SLC9C2: variants seen among roughly 807,000 people sequenced by gnomAD.
SLC9C2 encodes solute carrier family 9 member C2 (putative).
In SLC9C2, 75 loss-of-function variants were observed where a neutral mutation model predicts 140.2. That is an observed-to-expected ratio of 0.53 (90% confidence interval 0.44 to 0.65). SLC9C2 has a LOEUF of 0.65. Among genes scored for constraint, SLC9C2 ranks in the 30% least tolerant of loss-of-function variants. The pLI is 0.00. For missense variants in SLC9C2, 1,074 were observed against 1,331.8 expected (o/e 0.81, Z 3.01); for synonymous variants, 375 against 420.9 (o/e 0.89, Z 1.34).
chr1:173,552,019 G>A (rs993116562), intron 11 of SLC9C2, among the ~76,000 whole-genome samples: 2 of 152,160 alleles, frequency 1.3e-5, no homozygotes, highest in African/African-American at 2.4e-5. Context: ...ACACACCAAT[G>A]GTAAGAAGGC....
intron 5 of SLC9C2, among the ~76,000 whole-genome samples, chr1:173,587,424 T>C (rs1665913427): frequency 6.6e-6 from 1 of 152,054 alleles, no homozygotes; most frequent in African/African-American, 2.4e-5. Flanking sequence ...ACTTTTTCTT[T>C]GAAAAAAAAT....
At chr1:173,514,572 C>G (rs919800741) in intron 23 of SLC9C2, among the ~76,000 whole-genome samples, 8 of 152,050 alleles carry the variant, frequency 5.3e-5, no homozygotes, top group Non-Finnish European at 1.2e-4. Flanking sequence ...TGTAGCACAC[C>G]AGTGAGTCCT....
At chr1:173,600,715 A>C (rs1308802021) in intron 2 of SLC9C2, among the ~76,000 whole-genome samples, 1 of 152,200 alleles carries the variant, frequency 6.6e-6, no homozygotes, top group Non-Finnish European at 1.5e-5. Flanking sequence ...CTCTTTCTGC[A>C]ATGCTCTTTA....
chr1:173,521,375 CA>C lies in SLC9C2; in HGVS notation c.2664del (p.Phe888LeufsTer19). 3 of 1,485,036 alleles carry C rather than the reference CA, an allele frequency of 2.0e-6. No individual in the cohort carries two copies. Among genetic ancestry groups the C allele is most frequent in the Admixed American group, 2.4e-5 (1 of 42,360 alleles). The allele number at this position is 1,485,036 out of a possible 1,614,324, so 92.0% of individuals were successfully genotyped here. A position where few individuals can be genotyped will look rare whatever the true frequency, so the allele number is the denominator to read the frequency against. On this transcript the variant is annotated frameshift_variant, in exon 22 of 28. Transcript: ENST00000367714. LOFTEE classifies it high-confidence loss of function. The part of the protein sequence containing the change: ...FFKERAKLAC[F>X]DSGDTICKGG... ...CCTTTACAAATGGTATCTCCAGAGT[CA>C]AAACAGGCAAGTTTGGCTCTTTCCT...
chr1:173,583,091 C>T (rs1210575851), intron 6 of SLC9C2, among the ~76,000 whole-genome samples: 1 of 152,120 alleles, frequency 6.6e-6, no homozygotes, highest in African/African-American at 2.4e-5. Context: ...TTCCAGGAAC[C>T]CCTTTGGATA....
At chr1:173,536,051 AC>A in intron 14 of SLC9C2, 102 bp from the exon 15 acceptor site, 2 of 1,040,796 alleles carry the variant, frequency 1.9e-6, no homozygotes, top group Non-Finnish European at 2.7e-6. Flanking sequence ...TTTAATATGG[AC>A]CCACCAAATA....
rs143296396 is a variant in SLC9C2 at position 173,550,872 on chromosome 1, A to AAGAGAGAGAGAGAGAG, written c.1298-2336_1298-2321dup. On this transcript the variant is annotated intron_variant, in intron 11 of 27. Transcript: ENST00000367714. ...CCTGGGCAAGATAGTGAGCCGTTGA[A>AAGAGAGAGAGAGAGAG]AGAGAGAGAGAGAGAGAGAGAGAGA... Among the ~76,000 whole-genome samples the AAGAGAGAGAGAGAGAG allele has an allele frequency of 6.9e-3, 599 of 86,458 alleles. 42 individuals carry two copies. The highest frequency in any genetic ancestry group is 0.022 in the African/African-American group (333 of 15,288). 56.7% of individuals were successfully genotyped at this position (86,458 alleles called of 152,430 possible).
chr1:173,537,051 T>A lies in SLC9C2; in HGVS notation c.1558-12A>T. 6.3e-7 allele frequency: 1 copy of A among 1,594,126 alleles called. No homozygotes were observed. The highest frequency in any genetic ancestry group is 8.6e-7 in the Non-Finnish European group (1 of 1,162,420). On this transcript the variant is annotated splice_polypyrimidine_tract_variant and intron_variant, in intron 13 of 27. Coordinates refer to ENST00000367714, the MANE Select transcript of SLC9C2 (RefSeq NM_178527.4). ...TTTTCAAAGCTACTCTAAACATACA[T>A]TAAATGAAGATTACAAAAGATCAAA... is the stretch of plus-strand genomic sequence containing the variant.
intron 4 of SLC9C2, among the ~76,000 whole-genome samples, chr1:173,590,888 T>C (rs1413249728): frequency 1.3e-5 from 2 of 152,350 alleles, no homozygotes; most frequent in African/African-American, 4.8e-5. Flanking sequence ...TTTCATTTAA[T>C]ATTTTCTTTT....
chr1:173,576,535 C>A, intron 8 of SLC9C2, 126 bp downstream of exon 8: 2 of 572,624 alleles, frequency 3.5e-6, no homozygotes, highest in Non-Finnish European at 6.0e-6. Flanking sequence ...TAACTGATAG[C>A]AAAAATAAAA....
intron 13 of SLC9C2, among the ~76,000 whole-genome samples, chr1:173,540,951 A>C (rs1386720766): frequency 6.6e-6 from 1 of 152,212 alleles, no homozygotes; most frequent in African/African-American, 2.4e-5. Context: ...CATCAACTAA[A>C]GGGCAAATTA....
intron 11 of SLC9C2, among the ~76,000 whole-genome samples, chr1:173,549,226 G>A (rs764335623): frequency 3.3e-5 from 5 of 152,140 alleles, no homozygotes; most frequent in Non-Finnish European, 7.4e-5. Context: ...CTCTTCAAGG[G>A]TTAAATGGCT....
At chr1:173,504,261 G>A (rs1659475136) in intron 26 of SLC9C2, among the ~76,000 whole-genome samples, 1 of 152,166 alleles carries the variant, frequency 6.6e-6, no homozygotes, top group Non-Finnish European at 1.5e-5. Flanking sequence ...GGTTCAAATT[G>A]CTGCCAAGGG....
chr1:173,519,096 T>C (rs1443066107), intron 22 of SLC9C2, among the ~76,000 whole-genome samples: 1 of 152,062 alleles, frequency 6.6e-6, no homozygotes, highest in African/African-American at 2.4e-5. Context: ...GATTAGTATT[T>C]GATTAAACAA....
intron 9 of SLC9C2, among the ~76,000 whole-genome samples, 198 bp downstream of exon 9, chr1:173,572,984 T>C (rs1041088551): frequency 6.6e-6 from 1 of 152,198 alleles, no homozygotes; most frequent in African/African-American, 2.4e-5. Flanking sequence ...CCGATCCCTC[T>C]CATTTTATGG....
At chr1:173,560,651 C>T (rs1368086200) in intron 9 of SLC9C2, among the ~76,000 whole-genome samples, 2 of 152,214 alleles carry the variant, frequency 1.3e-5, no homozygotes, top group African/African-American at 4.8e-5. Flanking sequence ...AACCCTCCCT[C>T]TCAGAATCTG....
chr1:173,525,487 T>C (rs978478158), intron 19 of SLC9C2, among the ~76,000 whole-genome samples: 1 of 152,206 alleles, frequency 6.6e-6, no homozygotes, highest in Non-Finnish European at 1.5e-5. Flanking sequence ...ACTAAATGAA[T>C]TGACCACTAA....
chr1:173,577,837 T>C (rs1271409795), intron 7 of SLC9C2, among the ~76,000 whole-genome samples: 1 of 152,220 alleles, frequency 6.6e-6, no homozygotes, highest in Non-Finnish European at 1.5e-5. Flanking sequence ...ACTATTCTTT[T>C]GGTTTATCTA....
intron 5 of SLC9C2, among the ~76,000 whole-genome samples, chr1:173,583,886 GAGAC>G (rs1381392656): frequency 6.6e-6 from 1 of 152,170 alleles, no homozygotes; most frequent in Admixed American, 6.6e-5. Flanking sequence ...GTTTCAGAAT[GAGAC>G]AAATACTTCT....
Sources: allele counts gnomAD v4.1 joint callset (sites outside exome capture counted in the v4.1 genomes callset), GRCh38; gene constraint gnomAD v4.1.1; transcripts MANE v1.5; gene names NCBI Gene and HGNC (gene_info 2026-07-23, HGNC 2026-07-21).